Variants in TIAM1 observed in about 807,000 individuals in gnomAD.
The protein encoded by TIAM1 is rho guanine nucleotide exchange factor TIAM1.
Under a neutral mutation model 163.5 loss-of-function variants are expected in TIAM1, and 65 were observed. The observed-to-expected ratio is 0.40, with a 90% CI of 0.33 to 0.49. The LOEUF (loss-of-function observed/expected upper bound fraction) is 0.49, where lower values mean the gene tolerates loss of function less well. Ranked by LOEUF, TIAM1 falls within the 20% of genes least tolerant of loss-of-function variation. The pLI, the probability that TIAM1 is intolerant of heterozygous loss-of-function variation, is 0.77. For synonymous variants in TIAM1, 833 were observed against 810.1 expected (o/e 1.03, Z -0.48); for missense variants, 1,789 against 2,044.7 (o/e 0.87, Z 2.41).
rs143893753 is a variant in TIAM1 at position 31,120,433 on chromosome 21, C to T, written c.4711G>A (p.Glu1571Lys). The part of the protein sequence containing the change: ...GINGGLESAS[E>K]EVIWVRREDF... Reference sequence around the variant, plus strand: ...TCACGCCTAACCCAAATGACTTCCTCGCTTGCGCTCTCCAGGCCTCCATTG... The same window carrying T: ...TCACGCCTAACCCAAATGACTTCCTTGCTTGCGCTCTCCAGGCCTCCATTG... The change falls in exon 28 of 28, where the codon GAG becomes AAG. Residue 1571 changes from glutamate to lysine, a missense_variant. Around this residue, in one of 5 missense-constraint regions of TIAM1, gnomAD observed 415 missense variants for 439.2 expected, o/e 0.94. Coordinates refer to ENST00000541036, the MANE Select transcript of TIAM1 (RefSeq NM_001353694.2). The surrounding 1 kb of genome is among the most constrained non-coding windows in gnomAD (Gnocchi z 4.2). The T allele has an allele frequency of 6.2e-6, 10 of 1,614,064 alleles. No individual in the cohort carries two copies. The African/African-American group carries it at 1.1e-4, about 17-fold the overall frequency.
intron 2 of TIAM1, among the ~76,000 whole-genome samples, chr21:31,361,051 G>A (rs903006554): frequency 2.6e-5 from 4 of 152,036 alleles, no homozygotes; most frequent in African/African-American, 9.7e-5. Flanking sequence ...TGAGTGCTGG[G>A]GAAGGTATCT....
Position 31,124,575 on chromosome 21 carries a change from C to T in TIAM1, c.4253G>A (p.Gly1418Glu), listed in dbSNP as rs1452846975. 1 of 1,613,744 alleles carries T rather than the reference C, an allele frequency of 6.2e-7. No homozygotes were observed. The highest frequency in any genetic ancestry group is 8.5e-7 in the Non-Finnish European group (1 of 1,179,972). ...LPSSQQYVPFGGKRLCALKGA... is the reference protein window; with the variant it reads ...LPSSQQYVPFEGKRLCALKGA... ...CTTCAGTGCACACAATCTTTTGCCT[C>T]CAAAAGGGACATATTGCTGGGATGA... The change falls in exon 27 of 28, where the codon GGA becomes GAA. Residue 1418 changes from glycine to glutamate, a missense_variant. By Grantham distance (98) the Gly-to-Glu change is moderately conservative. Transcript: ENST00000541036.
At chr21:31,322,879 G>A (rs1174883718) in intron 2 of TIAM1, among the ~76,000 whole-genome samples, 4 of 152,170 alleles carry the variant, frequency 2.6e-5, no homozygotes, top group African/African-American at 9.7e-5. Context: ...CCCACTTCAT[G>A]GTTTTCCCAC....
At chr21:31,302,402 C>T (rs1460134814) in intron 2 of TIAM1, among the ~76,000 whole-genome samples, 2 of 152,134 alleles carry the variant, frequency 1.3e-5, no homozygotes, top group Non-Finnish European at 2.9e-5. Context: ...CAGATTCCAA[C>T]GCAAGAGCAA....
At chr21:31,473,453 A>C (rs939899081) in intron 1 of TIAM1, among the ~76,000 whole-genome samples, 5 of 87,508 alleles carry the variant, frequency 5.7e-5, no homozygotes, top group African/African-American at 1.9e-4. Flanking sequence ...AAAAAAAAAA[A>C]AAAAAAAAAA....
chr21:31,159,371 C>T (rs1191368323), intron 16 of TIAM1, among the ~76,000 whole-genome samples: 2 of 152,154 alleles, frequency 1.3e-5, no homozygotes, highest in Admixed American at 1.3e-4. Context: ...TAAGTACACA[C>T]TATCAACTCA....
chr21:31,367,126 G>A (rs1179313522), intron 2 of TIAM1, among the ~76,000 whole-genome samples: 1 of 145,754 alleles, frequency 6.9e-6, no homozygotes, highest in African/African-American at 2.5e-5. Context: ...AAGAAGTAAG[G>A]AGAGAAGGAA....
intron 3 of TIAM1, among the ~76,000 whole-genome samples, chr21:31,274,250 A>G (rs1226700021): frequency 6.6e-6 from 1 of 152,138 alleles, no homozygotes; most frequent in Non-Finnish European, 1.5e-5. Flanking sequence ...AACAGAACAC[A>G]CATAAAAAAG....
At chr21:31,154,199 C>T in intron 17 of TIAM1, 48 bp downstream of exon 17, 1 of 1,586,196 alleles carries the variant, frequency 6.3e-7, no homozygotes, top group East Asian at 2.2e-5. Context: ...ACCAACTTCA[C>T]TCCTTTACGA....
intron 6 of TIAM1, among the ~76,000 whole-genome samples, chr21:31,226,773 T>C (rs2088001830): frequency 6.6e-6 from 1 of 152,028 alleles, no homozygotes; most frequent in Non-Finnish European, 1.5e-5. Context: ...CCCAGAGAGG[T>C]GAAACAAATG....
chr21:31,387,455 T>C (rs499908), intron 2 of TIAM1, among the ~76,000 whole-genome samples: 92,214 of 151,198 alleles, frequency 0.61, 28,176 homozygotes, highest in Middle Eastern at 0.74. Flanking sequence ...TGAAATGATC[T>C]GCCCACCTTG....
intron 3 of TIAM1, among the ~76,000 whole-genome samples, chr21:31,275,956 A>G (rs1008319222): frequency 1.3e-5 from 2 of 152,238 alleles, no homozygotes; most frequent in African/African-American, 4.8e-5. Context: ...AAACGTAATC[A>G]TTACCCTTCT....
chr21:31,534,635 T>C (rs1016466829), intron 1 of TIAM1, among the ~76,000 whole-genome samples: 8 of 152,134 alleles, frequency 5.3e-5, no homozygotes, highest in South Asian at 2.1e-4. Context: ...GATCACGCCA[T>C]TGTACTCCAG....
At position 31,509,734 on chromosome 21, in the gene TIAM1, G is replaced by A. The variant is rs1321807142; in HGVS notation, c.-421-45699C>T. On this transcript the variant is annotated intron_variant, in intron 1 of 28. Coordinates refer to the TIAM1 transcript ENST00000286827. ...TCATCTCTAAAAGGGATAAAAGTCA[G>A]AGGCCCTTCCCTTGCAACAAAGACG... 5.3e-5 allele frequency among the ~76,000 whole-genome samples: 8 copies of A among 152,174 alleles called. No homozygotes were observed. The South Asian group carries it at 1.7e-3, about 32-fold the overall frequency.
At chr21:31,154,688 G>C (rs555515222) in intron 16 of TIAM1, among the ~76,000 whole-genome samples, 1 of 152,160 alleles carries the variant, frequency 6.6e-6, no homozygotes, top group Non-Finnish European at 1.5e-5. Flanking sequence ...ACACGGTAAG[G>C]ACAACGGAAG....
At chr21:31,353,835 C>CTTTTCTTTT (rs779644582) in intron 2 of TIAM1, among the ~76,000 whole-genome samples, 1 of 71,234 alleles carries the variant, frequency 1.4e-5, no homozygotes. Context: ...ATTTATTTAT[C>CTTTTCTTTT]TTTTTTTTTT....
At chr21:31,166,313 A>G (rs1016976056) in intron 15 of TIAM1, among the ~76,000 whole-genome samples, 2 of 152,214 alleles carry the variant, frequency 1.3e-5, no homozygotes, top group African/African-American at 4.8e-5. Flanking sequence ...ATAACCAGAC[A>G]AGAGAGAAGG....
chr21:31,333,844 T>C (rs779725613), intron 2 of TIAM1, among the ~76,000 whole-genome samples: 1 of 146,992 alleles, frequency 6.8e-6, no homozygotes, highest in African/African-American at 2.7e-5. Flanking sequence ...AAAGATGATA[T>C]TCATAGCTAC....
intron 12 of TIAM1, among the ~76,000 whole-genome samples, chr21:31,202,545 C>T (rs947459419): frequency 7.2e-5 from 11 of 152,012 alleles, no homozygotes; most frequent in South Asian, 2.1e-4. Flanking sequence ...CATCCAGCCT[C>T]GGTGACAGAG....
Sources: allele counts gnomAD v4.1 joint callset (sites outside exome capture counted in the v4.1 genomes callset), GRCh38; gene constraint gnomAD v4.1.1; regional missense constraint gnomAD v4.1.1; non-coding constraint Gnocchi (gnomAD v3.1); transcripts MANE v1.5; gene names NCBI Gene and HGNC (gene_info 2026-07-23, HGNC 2026-07-21).